CAB39: variants seen among roughly 807,000 people sequenced by gnomAD.
The protein encoded by CAB39 is calcium binding protein 39, also known as calcium-binding protein 39.
CAB39 carries 8 observed loss-of-function variants against 40.0 expected under a neutral mutation model. The observed-to-expected ratio is 0.20, with a 90% confidence interval of 0.12 to 0.36. CAB39 has a LOEUF of 0.36. Among genes scored for constraint, CAB39 ranks in the 10% least tolerant of loss-of-function variants. The pLI is 1.00. For missense variants in CAB39, 270 were observed against 401.1 expected, an observed-to-expected ratio of 0.67 and a Z score of 2.79; for synonymous variants, 156 against 141.6, an observed-to-expected ratio of 1.10 and a Z score of -0.72.
intron 2 of CAB39, among the ~76,000 whole-genome samples, chr2:230,761,887 A>AG (rs1559601571): frequency 0.014 from 1,700 of 117,684 alleles, 40 homozygotes; most frequent in African/African-American, 0.055. Flanking sequence ...TTTGTTTTTT[A>AG]TTTGTTGTTG....
Position 230,754,824 on chromosome 2 carries a change from GTAGTCTTCTA to G in CAB39, c.-43-5133_-43-5124del, listed in dbSNP as rs1223427391. Among the ~76,000 whole-genome samples the G allele has an allele frequency of 5.9e-5, 9 of 152,036 alleles. No individual in the cohort carries two copies. In the East Asian group the frequency reaches 1.7e-3, roughly 29 times the overall value. Reference sequence around the variant, plus strand: ...ATGAGCCACTGCGCCCGGCCTATTTGTAGTCTTCTATCGCTCGCCCGCTTCCCCACAAGTC... The same window carrying G: ...ATGAGCCACTGCGCCCGGCCTATTTGTCGCTCGCCCGCTTCCCCACAAGTC... On this transcript the variant is annotated intron_variant, in intron 1 of 8. Coordinates refer to ENST00000258418, the MANE Select transcript of CAB39 (RefSeq NM_016289.4).
chr2:230,800,012 C>G (rs1426663245), intron 5 of CAB39, among the ~76,000 whole-genome samples: 1 of 151,584 alleles, frequency 6.6e-6, no homozygotes, highest in African/African-American at 2.4e-5. Flanking sequence ...AAAATGTATA[C>G]ACGCACACAC....
chr2:230,801,701 G>A (rs3792073), intron 5 of CAB39, among the ~76,000 whole-genome samples: 3,377 of 151,912 alleles, frequency 0.022, 71 homozygotes, highest in East Asian at 0.057. Context: ...ATGAAACCCC[G>A]TCTCTACTGA....
At chr2:230,716,943 C>T (rs560463148) in intron 1 of CAB39, among the ~76,000 whole-genome samples, 2 of 152,302 alleles carry the variant, frequency 1.3e-5, no homozygotes, top group Non-Finnish European at 2.9e-5. Flanking sequence ...TTTGCAGCCT[C>T]AGTGAATTTT....
chr2:230,816,280 A>G (rs939816333), intron 7 of CAB39, among the ~76,000 whole-genome samples: 2 of 152,234 alleles, frequency 1.3e-5, no homozygotes, highest in African/African-American at 2.4e-5. Context: ...CAAAAAATAA[A>G]AAAAGAATTA....
intron 1 of CAB39, among the ~76,000 whole-genome samples, chr2:230,722,622 C>G (rs1053746709): frequency 3.3e-5 from 5 of 152,158 alleles, no homozygotes; most frequent in Admixed American, 6.6e-5. Flanking sequence ...AATAATAGAA[C>G]CTATACATAA....
intron 5 of CAB39, among the ~76,000 whole-genome samples, chr2:230,801,233 C>T (rs1696084345): frequency 6.6e-6 from 1 of 152,128 alleles, no homozygotes; most frequent in African/African-American, 2.4e-5. Context: ...ATCATAATTT[C>T]AGGGTAGCTA....
At chr2:230,720,414 T>C (rs1435046165) in intron 1 of CAB39, among the ~76,000 whole-genome samples, 5 of 152,154 alleles carry the variant, frequency 3.3e-5, no homozygotes, top group Non-Finnish European at 7.3e-5. Flanking sequence ...AAATGTCTAT[T>C]ATTAATTTGG....
intron 1 of CAB39, among the ~76,000 whole-genome samples, chr2:230,730,994 A>T (rs921382136): frequency 6.6e-6 from 1 of 152,186 alleles, no homozygotes; most frequent in Non-Finnish European, 1.5e-5. Context: ...CAGTCATTTT[A>T]TAACTAATTG....
At chr2:230,750,955 G>C (rs1695075377) in intron 1 of CAB39, among the ~76,000 whole-genome samples, 1 of 152,184 alleles carries the variant, frequency 6.6e-6, no homozygotes, top group South Asian at 2.1e-4. Context: ...TAACTATTGT[G>C]CTTTAAATAA....
chr2:230,736,955 G>A (rs1406531137), intron 1 of CAB39, among the ~76,000 whole-genome samples: 1 of 152,122 alleles, frequency 6.6e-6, no homozygotes, highest in South Asian at 2.1e-4. Context: ...AGGTTAGAGT[G>A]TCTGGTAGCT....
intron 1 of CAB39, among the ~76,000 whole-genome samples, chr2:230,736,362 T>C (rs1352431328): frequency 1.3e-5 from 2 of 152,210 alleles, no homozygotes; most frequent in Non-Finnish European, 1.5e-5. Context: ...ATTAGGGATA[T>C]GTTTCCTTCT....
In CAB39 at chr2:230,818,984, A is replaced by G; in HGVS notation, c.*280A>G. 1 of 321,698 alleles carries G rather than the reference A, an allele frequency of 3.1e-6. No individual in the cohort carries two copies. The highest frequency in any genetic ancestry group is 5.9e-6 in the Non-Finnish European group (1 of 168,692). 19.9% of individuals were successfully genotyped at this position (321,698 alleles called of 1,614,324 possible). ...AACATGGCTGGGTTCATGAAGGCAA[A>G]TGTATGGATGAGAGTGTGGTTTAGG... On this transcript the variant is annotated 3_prime_UTR_variant, in exon 9 of 9. Coordinates refer to ENST00000258418, the MANE Select transcript of CAB39 (RefSeq NM_016289.4).
chr2:230,795,133 G>A (rs1348669673), intron 4 of CAB39, among the ~76,000 whole-genome samples: 7 of 152,034 alleles, frequency 4.6e-5, no homozygotes, highest in African/African-American at 1.4e-4. Context: ...AAAATTAGCC[G>A]GGTGTGGTGG....
At position 230,802,773 on chromosome 2, in the gene CAB39, G is replaced by A. The variant is rs191860564; in HGVS notation, c.567+3876G>A. On this transcript the variant is annotated intron_variant, in intron 5 of 8. Coordinates refer to ENST00000258418, the MANE Select transcript of CAB39 (RefSeq NM_016289.4). ...AAATTGAGGCAATCATTAAAAGACT[G>A]TCAACCAAAAAAACTCCAGGACCAG... Among the ~76,000 whole-genome samples the A allele has an allele frequency of 9.9e-5, 15 of 152,266 alleles. No homozygotes were observed. The East Asian group carries it at 2.9e-3, about 29-fold the overall frequency.
intron 1 of CAB39, among the ~76,000 whole-genome samples, chr2:230,753,809 C>T (rs1245025743): frequency 6.6e-6 from 1 of 151,332 alleles, no homozygotes; most frequent in Non-Finnish European, 1.5e-5. Flanking sequence ...ATTTGAAAGC[C>T]AAATGAATTA....
intron 1 of CAB39, among the ~76,000 whole-genome samples, chr2:230,723,323 T>C (rs1694489892): frequency 6.6e-6 from 1 of 152,062 alleles, no homozygotes; most frequent in African/African-American, 2.4e-5. Flanking sequence ...ATCTTTTTTT[T>C]TTTCTTTCTG....
rs1462335197 is a variant in CAB39, at chr2:230,748,829, AAAATATATATATAT to A, written c.-43-11128_-43-11115del. ...TTCCAAAAAGAAAAAAAAAAAAAAA[AAAATATATATATAT>A]ATATATATATATATATATATATATA... On this transcript the variant is annotated intron_variant, in intron 1 of 8. Transcript: ENST00000258418. 7.1e-3 allele frequency among the ~76,000 whole-genome samples: 328 copies of A among 46,426 alleles called. 17 individuals are homozygous for A. Among genetic ancestry groups the A allele is most frequent in the East Asian group, 0.047 (67 of 1,436 alleles). The allele number at this position is 46,426 out of a possible 152,430, so 30.5% of individuals were successfully genotyped here. A position where few individuals can be genotyped will look rare whatever the true frequency, so the allele number is the denominator to read the frequency against.
At chr2:230,788,107 G>A (rs987863363) in intron 2 of CAB39, among the ~76,000 whole-genome samples, 1 of 152,184 alleles carries the variant, frequency 6.6e-6, no homozygotes, top group Admixed American at 6.5e-5. Flanking sequence ...TCTGTGCAAA[G>A]TAATCTTGAA....
Sources: gnomAD v4.1 joint callset for allele counts (sites outside exome capture counted in the v4.1 genomes callset) on GRCh38, gnomAD v4.1.1 for gene constraint, MANE v1.5 for transcripts, NCBI Gene and HGNC (gene_info 2026-07-23, HGNC 2026-07-21) for gene names.